Variants in SNX13 observed in about 807,000 individuals in gnomAD.
SNX13 encodes the protein sorting nexin 13, also known as sorting nexin-13.
Under a neutral mutation model 133.6 loss-of-function variants are expected in SNX13, and 45 were observed. That is an observed-to-expected ratio of 0.34 (90% confidence interval 0.27 to 0.43). SNX13 has a LOEUF of 0.43. Ranked by LOEUF, SNX13 falls within the 20% of genes least tolerant of loss-of-function variation. The pLI is 1.00. For missense variants in SNX13, 1,032 were observed against 1,145.1 expected (o/e 0.90, Z 1.43); for synonymous variants, 414 against 373.9 (o/e 1.11, Z -1.24).
chr7:17,877,378 T>G (rs1794848754), intron 5 of SNX13, among the ~76,000 whole-genome samples: 3 of 152,082 alleles, frequency 2.0e-5, no homozygotes, highest in African/African-American at 7.2e-5. Context: ...TCTTTTTTCT[T>G]ATTTAAAAAA....
rs1197517937 is a variant in SNX13 at position 17,850,337 on chromosome 7, CT to C, written c.1065+9del. On this transcript the variant is annotated intron_variant, in intron 11 of 25. Coordinates refer to ENST00000428135, the MANE Select transcript of SNX13 (RefSeq NM_015132.5). ...ATAACTAAACGTTAATTCAAAACTA[CT>C]TTACTTACTTTGCCTGACTGCAATC... is the stretch of plus-strand genomic sequence containing the variant. 6.4e-7 allele frequency: 1 copy of C among 1,566,462 alleles called. No homozygotes were observed.
intron 16 of SNX13, among the ~76,000 whole-genome samples, chr7:17,827,642 A>T (rs768977698): frequency 2.6e-5 from 4 of 151,944 alleles, no homozygotes; most frequent in Non-Finnish European, 5.9e-5. Flanking sequence ...TCCATGCTCT[A>T]CTACCAATAC....
chr7:17,896,025 T>C (rs984949635), intron 2 of SNX13, among the ~76,000 whole-genome samples: 3 of 152,162 alleles, frequency 2.0e-5, no homozygotes, highest in African/African-American at 7.2e-5. Context: ...TCCCTTCCAA[T>C]TAATAAATGC....
intron 17 of SNX13, among the ~76,000 whole-genome samples, chr7:17,822,200 A>G (rs1787372979): frequency 6.8e-6 from 1 of 147,284 alleles, no homozygotes; most frequent in Non-Finnish European, 1.5e-5. Context: ...TATTCTGGGG[A>G]TTTTTTTTTT....
rs530568639 is a variant in SNX13 at position 17,928,191 on chromosome 7, G to GC, written c.12+12092dup. ...AGCACCCTCTAAAACAACAATAGGAGCTATCATTTATTAAGTGCTTACTTG... is the reference window on the plus strand; with the variant it reads ...AGCACCCTCTAAAACAACAATAGGAGCCTATCATTTATTAAGTGCTTACTTG... On this transcript the variant is annotated intron_variant, in intron 1 of 25. Transcript: ENST00000428135. Among the ~76,000 whole-genome samples the GC allele has an allele frequency of 1.1e-4, 16 of 152,206 alleles. No homozygotes were observed. In the East Asian group the frequency reaches 3.1e-3, roughly 29 times the overall value.
intron 8 of SNX13, among the ~76,000 whole-genome samples, chr7:17,871,060 C>T (rs1794049188): frequency 6.6e-6 from 1 of 150,964 alleles, no homozygotes; most frequent in South Asian, 2.1e-4. Flanking sequence ...GGCTGGAGTG[C>T]AGTGGCGCGA....
At chr7:17,818,032 A>G (rs1786863650) in intron 18 of SNX13, among the ~76,000 whole-genome samples, 1 of 152,168 alleles carries the variant, frequency 6.6e-6, no homozygotes, top group Non-Finnish European at 1.5e-5. Flanking sequence ...CTGGTATCCT[A>G]TCAGAAAAGA....
intron 18 of SNX13, 102 bp from the exon 19 acceptor site, chr7:17,816,391 G>A: frequency 7.3e-7 from 1 of 1,362,990 alleles, no homozygotes; most frequent in Non-Finnish European, 9.7e-7. Flanking sequence ...GCCAGGTGCG[G>A]TGGCTCACGC....
chr7:17,822,033 GA>G (rs565676405), intron 17 of SNX13, among the ~76,000 whole-genome samples: 62 of 152,082 alleles, frequency 4.1e-4, no homozygotes, highest in Admixed American at 3.6e-3. Context: ...ATTTAATATA[GA>G]AAAAATAAAC....
At chr7:17,937,445 CGGA>C (rs1562554259) in intron 1 of SNX13, among the ~76,000 whole-genome samples, 8 of 140,388 alleles carry the variant, frequency 5.7e-5, no homozygotes, top group African/African-American at 2.1e-4. Context: ...ACCTGGAAGG[CGGA>C]GGTTGCAGTG....
chr7:17,844,358 G>A (rs2691613), intron 12 of SNX13, among the ~76,000 whole-genome samples: 91,424 of 151,836 alleles, frequency 0.6, 28,824 homozygotes, highest in African/African-American at 0.79. Context: ...AATCATGAAG[G>A]AATTGAAAAT....
chr7:17,874,033 C>T (rs1418490012), intron 7 of SNX13, among the ~76,000 whole-genome samples: 1 of 151,816 alleles, frequency 6.6e-6, no homozygotes, highest in Non-Finnish European at 1.5e-5. Flanking sequence ...CAGGCTATAA[C>T]AAAGGAAAAA....
intron 12 of SNX13, among the ~76,000 whole-genome samples, chr7:17,845,305 T>C (rs982649088): frequency 1.3e-5 from 2 of 152,184 alleles, no homozygotes; most frequent in Non-Finnish European, 2.9e-5. Context: ...CAATTCCACC[T>C]ACGTGAGGTA....
chr7:17,829,287 C>T (rs983191880), intron 16 of SNX13, among the ~76,000 whole-genome samples: 14 of 151,502 alleles, frequency 9.2e-5, no homozygotes, highest in Non-Finnish European at 1.9e-4. Flanking sequence ...CCCAGCCAAA[C>T]TGGACTGAAA....
intron 20 of SNX13, among the ~76,000 whole-genome samples, chr7:17,813,862 A>T (rs1786343086): frequency 2.0e-5 from 3 of 152,212 alleles, no homozygotes; most frequent in Non-Finnish European, 2.9e-5. Context: ...CTGGGATTAC[A>T]GGCATGAGCC....
chr7:17,814,899 G>T lies in SNX13; in HGVS notation c.1999C>A (p.His667Asn). ...TTCTCAAGGAAATCATACACATAGT[G>T]AGCTAAAGCGGGGGATGCCTTCATC... ...EMMKASPALA[H>N]YVYDFLENKA... The change falls in exon 20 of 26, where the codon CAC (histidine) becomes AAC (asparagine). Residue 667 changes from histidine to asparagine, a missense_variant. By Grantham distance (68) the His-to-Asn change is moderately conservative. Coordinates refer to ENST00000428135, the MANE Select transcript of SNX13 (RefSeq NM_015132.5). The T allele has an allele frequency of 1.3e-6, 2 of 1,537,048 alleles. No homozygotes were observed. The highest frequency in any genetic ancestry group is 1.4e-5 in the African/African-American group (1 of 69,698).
rs1008939954 is a variant in SNX13, at chr7:17,940,463, T to C, written c.-168A>G. 11 of 767,048 alleles carry C rather than the reference T, an allele frequency of 1.4e-5. No homozygotes were observed. Among genetic ancestry groups the C allele is most frequent in the Non-Finnish European group, 2.3e-5 (10 of 443,646 alleles). 47.5% of individuals were successfully genotyped at this position (767,048 alleles called of 1,614,324 possible). On this transcript the variant is annotated 5_prime_UTR_variant, in exon 1 of 26. Transcript: ENST00000428135. The stretch of plus-strand genomic sequence containing the variant: ...GCTGGCCTCCCCTCGGCCCGGTCGC[T>C]CGCGACGGACGCGCCGCCATCTTGG...
chr7:17,853,989 C>A (rs1318395943), intron 9 of SNX13, among the ~76,000 whole-genome samples: 1 of 151,518 alleles, frequency 6.6e-6, no homozygotes, highest in Non-Finnish European at 1.5e-5. Flanking sequence ...AGAAAATTGG[C>A]AATACACAGA....
At chr7:17,828,109 T>C (rs1402182143) in intron 16 of SNX13, among the ~76,000 whole-genome samples, 3 of 151,798 alleles carry the variant, frequency 2.0e-5, no homozygotes, top group African/African-American at 7.2e-5. Flanking sequence ...AGAAATGTCT[T>C]TTTGTCTCTT....
Sources: gnomAD v4.1 joint callset for allele counts (sites outside exome capture counted in the v4.1 genomes callset) on GRCh38, gnomAD v4.1.1 for gene constraint, MANE v1.5 for transcripts, NCBI Gene and HGNC (gene_info 2026-07-23, HGNC 2026-07-21) for gene names.